LYPD6: variants seen among roughly 807,000 people sequenced by gnomAD.
LYPD6 encodes the protein LY6/PLAUR domain containing 6, also known as ly6/PLAUR domain-containing protein 6.
In LYPD6, 15 loss-of-function variants were observed where a neutral mutation model predicts 22.7. The ratio of observed to expected loss-of-function variants is 0.66; its 90% confidence interval spans 0.44 to 1.02. LYPD6 has a LOEUF of 1.02. Among genes scored for constraint, LYPD6 ranks in the 50% least tolerant of loss-of-function variants. The pLI, the probability that LYPD6 is intolerant of heterozygous loss-of-function variation, is 0.00. For missense variants in LYPD6, 189 were observed against 208.4 expected (o/e 0.91, Z 0.57); for synonymous variants, 72 against 77.5 (o/e 0.93, Z 0.37).
At chr2:149,468,188 C>CACACACACACACACACACA (rs1681249264) in intron 3 of LYPD6, among the ~76,000 whole-genome samples, 1 of 147,522 alleles carries the variant, frequency 6.8e-6, no homozygotes, top group Admixed American at 6.9e-5. Context: ...CACACACACA[C>CACACACACACACACACACA]CAGCCACTGC....
At chr2:149,371,131 C>A (rs1681799143) in intron 1 of LYPD6, among the ~76,000 whole-genome samples, 1 of 152,182 alleles carries the variant, frequency 6.6e-6, no homozygotes, top group Non-Finnish European at 1.5e-5. Context: ...GGGGGCGAGA[C>A]CATGGCTCAC....
chr2:149,433,167 A>G (rs1251490838), intron 1 of LYPD6, among the ~76,000 whole-genome samples: 2 of 152,204 alleles, frequency 1.3e-5, no homozygotes, highest in African/African-American at 4.8e-5. Flanking sequence ...CTACTTTAAG[A>G]ATTTGGAAAT....
rs564635656 is a variant in LYPD6 at position 149,444,079 on chromosome 2, G to A, written c.119-4970G>A. On this transcript the variant is annotated intron_variant, in intron 2 of 4. Transcript: ENST00000334166. ...CTCCTGAGTAGCTGGGACCACAGGT[G>A]TGCGCCACCACGCCTGGCTAATTTT... is the stretch of plus-strand genomic sequence containing the variant. Among the ~76,000 whole-genome samples, 9 of 151,968 alleles carry A rather than the reference G, an allele frequency of 5.9e-5. 1 individual carries two copies. The highest frequency in any genetic ancestry group is 4.6e-4 in the Admixed American group (7 of 15,236).
rs530766440 is a variant in LYPD6 at position 149,391,066 on chromosome 2, T to C, written c.-71-46572T>C. Among the ~76,000 whole-genome samples the C allele has an allele frequency of 1.5e-4, 23 of 152,344 alleles. No individual in the cohort carries two copies. The South Asian group carries it at 4.6e-3, about 30-fold the overall frequency. On this transcript the variant is annotated intron_variant, in intron 1 of 4. Transcript: ENST00000334166. The stretch of plus-strand genomic sequence containing the variant: ...TCAGTTTTCCATTAGGCTGTGTGGC[T>C]ATATATTCACAAAGAAGAATCCTAG...
chr2:149,446,517 A>G (rs1442366039), intron 2 of LYPD6, among the ~76,000 whole-genome samples: 1 of 152,222 alleles, frequency 6.6e-6, no homozygotes, highest in Non-Finnish European at 1.5e-5. Context: ...GGTATAAAAA[A>G]TATTTGTTTA....
chr2:149,415,907 C>A (rs964565803), intron 1 of LYPD6, among the ~76,000 whole-genome samples: 31 of 152,056 alleles, frequency 2.0e-4, no homozygotes, highest in African/African-American at 6.8e-4. Flanking sequence ...GTCTTGAACT[C>A]CTGGGCTCAA....
intron 2 of LYPD6, among the ~76,000 whole-genome samples, chr2:149,442,878 A>C (rs1254929828): frequency 6.6e-6 from 1 of 152,166 alleles, no homozygotes; most frequent in African/African-American, 2.4e-5. Context: ...ATGTCAGTAA[A>C]GGTTCCTACA....
At chr2:149,419,352 A>T (rs1466297817) in intron 1 of LYPD6, among the ~76,000 whole-genome samples, 1 of 151,710 alleles carries the variant, frequency 6.6e-6, no homozygotes, top group Non-Finnish European at 1.5e-5. Flanking sequence ...TCTTCACCCT[A>T]CTCCTAATTG....
intron 1 of LYPD6, among the ~76,000 whole-genome samples, chr2:149,350,090 AC>A (rs1254254332): frequency 6.6e-6 from 1 of 152,204 alleles, no homozygotes; most frequent in Non-Finnish European, 1.5e-5. Context: ...AAAATCAACA[AC>A]CCTGCATTCC....
Position 149,399,892 on chromosome 2 carries a change from A to G in LYPD6, c.-71-37746A>G, listed in dbSNP as rs114622700. 7.9e-3 allele frequency among the ~76,000 whole-genome samples: 1,207 copies of G among 152,276 alleles called. 16 individuals are homozygous for G. Among genetic ancestry groups the G allele is most frequent in the African/African-American group, 0.026 (1,092 of 41,570 alleles). Reference sequence around the variant, plus strand: ...GGTGGTTGGGAACATTATGTCTAATAAGGCTTTTGTCCTTTGTTGTTGCTT... The same window carrying G: ...GGTGGTTGGGAACATTATGTCTAATGAGGCTTTTGTCCTTTGTTGTTGCTT... On this transcript the variant is annotated intron_variant, in intron 1 of 4. Transcript: ENST00000334166.
intron 1 of LYPD6, among the ~76,000 whole-genome samples, chr2:149,409,698 T>C (rs1054630814): frequency 4.6e-5 from 7 of 152,012 alleles, no homozygotes; most frequent in African/African-American, 1.2e-4. Context: ...GGCTGCCTCT[T>C]TTGAGTCACA....
Position 149,470,785 on chromosome 2 carries a change from G to A in LYPD6, c.451G>A (p.Gly151Arg). 6.2e-7 allele frequency: 1 copy of A among 1,613,732 alleles called. No homozygotes were observed. The highest frequency in any genetic ancestry group is 8.5e-7 in the Non-Finnish European group (1 of 1,179,814). ...GACGTCACCTATAAATCAGACAAAT[G>A]GGCACCCACGCTGTATGTCAGTGAT... Reference protein sequence around the residue: ...ATTSPINQTNGHPRCMSVIVS... With the variant: ...ATTSPINQTNRHPRCMSVIVS... The change falls in exon 5 of 5, where the codon GGG becomes AGG. Residue 151 changes from glycine to arginine, a missense_variant. Gly to Arg is a moderately radical substitution (Grantham distance 125). Transcript: ENST00000334166.
intron 1 of LYPD6, among the ~76,000 whole-genome samples, chr2:149,374,068 G>C (rs1681866272): frequency 6.6e-6 from 1 of 152,070 alleles, no homozygotes; most frequent in Admixed American, 6.6e-5. Flanking sequence ...GGAACTTCTT[G>C]GGAAATTTAG....
intron 1 of LYPD6, among the ~76,000 whole-genome samples, chr2:149,386,954 G>A (rs1010712089): frequency 1.3e-5 from 2 of 152,140 alleles, no homozygotes; most frequent in African/African-American, 4.8e-5. Flanking sequence ...CAGCTATCTT[G>A]CTTCCCAGTT....
intron 1 of LYPD6, among the ~76,000 whole-genome samples, chr2:149,377,826 C>T (rs1400529991): frequency 1.5e-5 from 2 of 129,822 alleles, no homozygotes; most frequent in Non-Finnish European, 3.1e-5. Context: ...ACTGTTAGGG[C>T]ACCTCTGATC....
At chr2:149,477,351 G>A (rs796421750), downstream of LYPD6, among the ~76,000 whole-genome samples, 12 of 152,098 alleles carry the variant, frequency 7.9e-5, no homozygotes, top group African/African-American at 2.9e-4. Flanking sequence ...AGCCGGGCGT[G>A]GTGGCTCACG....
At chr2:149,357,039 G>GT (rs1477435847) in intron 1 of LYPD6, among the ~76,000 whole-genome samples, 1 of 151,968 alleles carries the variant, frequency 6.6e-6, no homozygotes, top group Non-Finnish European at 1.5e-5. Context: ...GCCATTCTGT[G>GT]TTTTTTCCCC....
intron 1 of LYPD6, among the ~76,000 whole-genome samples, chr2:149,373,023 G>A (rs1681843998): frequency 6.6e-6 from 1 of 152,156 alleles, no homozygotes; most frequent in African/African-American, 2.4e-5. Flanking sequence ...GCTCTCTCTG[G>A]TTGTTGCTAG....
intron 1 of LYPD6, among the ~76,000 whole-genome samples, chr2:149,352,243 G>A (rs908603731): frequency 1.3e-5 from 2 of 152,302 alleles, no homozygotes; most frequent in African/African-American, 4.8e-5. Flanking sequence ...GTCTTCAAAT[G>A]CATAAAGGGC....
Sources: allele counts gnomAD v4.1 joint callset (sites outside exome capture counted in the v4.1 genomes callset), GRCh38; gene constraint gnomAD v4.1.1; transcripts MANE v1.5; gene names NCBI Gene and HGNC (gene_info 2026-07-23, HGNC 2026-07-21).